BICC1: variants seen among roughly 807,000 people sequenced by gnomAD.
BICC1 encodes BicC family RNA binding protein 1, also known as protein bicaudal C homolog 1.
Under a neutral mutation model 111.0 loss-of-function variants are expected in BICC1, and 43 were observed. The ratio of observed to expected loss-of-function variants is 0.39; its 90% CI spans 0.30 to 0.50. The LOEUF is 0.50. Ranked by LOEUF, BICC1 falls within the 20% of genes least tolerant of loss-of-function variation. The probability of loss-of-function intolerance (pLI) is 0.88; values close to 1 mark genes in which losing one functional copy is unlikely to be tolerated. For missense variants in BICC1, 1,091 were observed against 1,203.2 expected (o/e 0.91, Z 1.38); for synonymous variants, 467 against 434.4 (o/e 1.07, Z -0.93).
At chr10:58,532,948 G>C (rs1842720497) in intron 1 of BICC1, among the ~76,000 whole-genome samples, 1 of 151,826 alleles carries the variant, frequency 6.6e-6, no homozygotes, top group Admixed American at 6.6e-5. Context: ...ACCAAGAGGG[G>C]CACATGGTGA....
At chr10:58,695,148 A>G (rs1378046069) in intron 2 of BICC1, among the ~76,000 whole-genome samples, 1 of 152,206 alleles carries the variant, frequency 6.6e-6, no homozygotes, top group Non-Finnish European at 1.5e-5. Flanking sequence ...GAATAACTGA[A>G]TCATTGGTAG....
At chr10:58,590,622 G>T (rs1844581669) in intron 1 of BICC1, among the ~76,000 whole-genome samples, 1 of 152,074 alleles carries the variant, frequency 6.6e-6, no homozygotes, top group African/African-American at 2.4e-5. Context: ...TTATTTGAAA[G>T]ACAGAAGCTT....
At chr10:58,575,228 T>C (rs1844075804) in intron 1 of BICC1, among the ~76,000 whole-genome samples, 1 of 152,038 alleles carries the variant, frequency 6.6e-6, no homozygotes, top group Non-Finnish European at 1.5e-5. Context: ...TCCCCCTCTC[T>C]GTGTCCATGG....
intron 3 of BICC1, among the ~76,000 whole-genome samples, chr10:58,765,743 T>C (rs1159860345): frequency 6.6e-6 from 1 of 152,228 alleles, no homozygotes; most frequent in African/African-American, 2.4e-5. Flanking sequence ...AAAAAGGCCT[T>C]TCCTCTTGTT....
intron 1 of BICC1, among the ~76,000 whole-genome samples, chr10:58,562,709 C>G (rs1329650899): frequency 1.3e-5 from 2 of 151,564 alleles, no homozygotes; most frequent in African/African-American, 4.9e-5. Flanking sequence ...ACATTGATAT[C>G]TGTGCTCACT....
chr10:58,753,771 T>A (rs1446545790), intron 3 of BICC1, among the ~76,000 whole-genome samples: 1 of 152,170 alleles, frequency 6.6e-6, no homozygotes, highest in Non-Finnish European at 1.5e-5. Flanking sequence ...TCTATTCTTT[T>A]CCATTTTTCT....
chr10:58,828,718 A>G (rs1261463951), intron 20 of BICC1, 43 bp from the exon 21 acceptor site: 6 of 1,600,632 alleles, frequency 3.7e-6, no homozygotes, highest in Non-Finnish European at 5.1e-6. Context: ...GTATACATAG[A>G]ACTTCTCTTG....
intron 3 of BICC1, among the ~76,000 whole-genome samples, chr10:58,739,453 G>T (rs1285823433): frequency 6.6e-6 from 1 of 152,118 alleles, no homozygotes; most frequent in Non-Finnish European, 1.5e-5. Context: ...TGGTGGATAA[G>T]CTTTTTGATG....
At chr10:58,672,520 A>AC (rs1839214481) in intron 2 of BICC1, among the ~76,000 whole-genome samples, 3 of 152,006 alleles carry the variant, frequency 2.0e-5, no homozygotes, top group Admixed American at 2.0e-4. Context: ...TGATTATTAG[A>AC]CTAGTTGGGG....
At chr10:58,749,591 C>G (rs1289391962) in intron 3 of BICC1, among the ~76,000 whole-genome samples, 2 of 152,084 alleles carry the variant, frequency 1.3e-5, no homozygotes, top group African/African-American at 4.8e-5. Flanking sequence ...TTTTACAGAG[C>G]ATCTCTTAAA....
At chr10:58,712,731 A>C (rs1342905815) in intron 3 of BICC1, among the ~76,000 whole-genome samples, 3 of 152,204 alleles carry the variant, frequency 2.0e-5, no homozygotes, top group African/African-American at 7.2e-5. Flanking sequence ...AGCACAGAGC[A>C]TTCTTAGGGC....
intron 1 of BICC1, among the ~76,000 whole-genome samples, chr10:58,551,402 T>C (rs1843291911): frequency 6.6e-6 from 1 of 152,220 alleles, no homozygotes; most frequent in South Asian, 2.1e-4. Context: ...ATATACAACA[T>C]GATGTTTTGA....
intron 2 of BICC1, chr10:58,648,503 A>G: frequency 3.0e-6 from 3 of 984,976 alleles, no homozygotes; most frequent in Non-Finnish European, 3.6e-6. Flanking sequence ...TGGCCACTCC[A>G]CTCGGACTTA....
intron 1 of BICC1, among the ~76,000 whole-genome samples, chr10:58,521,768 G>GTT (rs573116230): frequency 2.2e-4 from 25 of 112,804 alleles, no homozygotes; most frequent in East Asian, 8.1e-4. Context: ...GGAATGTGGT[G>GTT]TTTTTTTTTT....
At chr10:58,750,965 T>C (rs1035395528) in intron 3 of BICC1, among the ~76,000 whole-genome samples, 6 of 152,320 alleles carry the variant, frequency 3.9e-5, no homozygotes, top group African/African-American at 1.4e-4. Context: ...GCTTTGTTTT[T>C]CTTTTTCTCT....
intron 3 of BICC1, among the ~76,000 whole-genome samples, chr10:58,729,937 C>T (rs1841236197): frequency 6.6e-6 from 1 of 152,138 alleles, no homozygotes; most frequent in Non-Finnish European, 1.5e-5. Context: ...CAGATTTAAA[C>T]CATATCTTTC....
rs572299502 is a variant in BICC1 at position 58,527,037 on chromosome 10, A to G, written c.190+13704A>G. Among the ~76,000 whole-genome samples the G allele has an allele frequency of 1.1e-4, 17 of 152,274 alleles. No individual in the cohort carries two copies. The East Asian group carries it at 3.1e-3, about 28-fold the overall frequency. ...CACAATGGTTGAACTAGTTTACAGTACCACCAACGGTTTAAAAGTGTTCCT... is the reference window on the plus strand; with the variant it reads ...CACAATGGTTGAACTAGTTTACAGTGCCACCAACGGTTTAAAAGTGTTCCT... On this transcript the variant is annotated intron_variant, in intron 1 of 20. Transcript: ENST00000373886.
chr10:58,565,116 GA>G (rs1213762206), intron 1 of BICC1, among the ~76,000 whole-genome samples: 4 of 152,134 alleles, frequency 2.6e-5, no homozygotes, highest in Admixed American at 6.6e-5. Context: ...TTATATCAGT[GA>G]AAAAATTTGT....
At chr10:58,763,983 G>T (rs954810061) in intron 3 of BICC1, among the ~76,000 whole-genome samples, 16 of 152,142 alleles carry the variant, frequency 1.1e-4, no homozygotes, top group African/African-American at 3.6e-4. Flanking sequence ...ATCAAATGAA[G>T]ACTCACAGGC....
Sources: gnomAD v4.1 joint callset for allele counts (sites outside exome capture counted in the v4.1 genomes callset) on GRCh38, gnomAD v4.1.1 for gene constraint, MANE v1.5 for transcripts, NCBI Gene and HGNC (gene_info 2026-07-23, HGNC 2026-07-21) for gene names.